Variants in PGAP1 observed in about 807,000 individuals in gnomAD.
PGAP1 encodes post-GPI attachment to proteins inositol deacylase 1.
In PGAP1, 76 loss-of-function variants were observed where a neutral mutation model predicts 127.0. The observed-to-expected ratio is 0.60, with a 90% CI of 0.50 to 0.72. The LOEUF is 0.72. Ranked by LOEUF, PGAP1 falls within the 30% of genes least tolerant of loss-of-function variation. The pLI is 0.00. For synonymous variants in PGAP1, 362 were observed against 366.5 expected, an observed-to-expected ratio of 0.99 and a Z score of 0.14; for missense variants, 982 against 1,071.3, an observed-to-expected ratio of 0.92 and a Z score of 1.16.
chr2:196,847,785 G>A, intron 21 of PGAP1, 162 bp downstream of exon 21: 1 of 481,928 alleles, frequency 2.1e-6, no homozygotes, highest in South Asian at 3.3e-5. Flanking sequence ...AGTAGACATT[G>A]ATATACTTAT....
intron 20 of PGAP1, among the ~76,000 whole-genome samples, chr2:196,850,723 G>A (rs974893204): frequency 2.0e-5 from 3 of 150,096 alleles, no homozygotes; most frequent in Admixed American, 6.7e-5. Flanking sequence ...GAGGAAGGGA[G>A]GGAAAGAGGA....
intron 20 of PGAP1, among the ~76,000 whole-genome samples, chr2:196,861,129 AT>A (rs1241777289): frequency 1.3e-5 from 2 of 152,238 alleles, no homozygotes; most frequent in African/African-American, 2.4e-5. Context: ...CTGGATATTT[AT>A]ATGCAGAAGA....
At chr2:196,873,177 C>T in intron 16 of PGAP1, 151 bp from the exon 17 acceptor site, 1 of 452,084 alleles carries the variant, frequency 2.2e-6, no homozygotes, top group East Asian at 3.6e-5. Flanking sequence ...ATGGCGAATT[C>T]CTAAATAATA....
Position 196,913,063 on chromosome 2 carries a change from T to C in PGAP1, c.478-10A>G, listed in dbSNP as rs761681210. 3.1e-6 allele frequency: 5 copies of C among 1,594,472 alleles called. No individual in the cohort carries two copies. Among genetic ancestry groups the C allele is most frequent in the Non-Finnish European group, 4.3e-6 (5 of 1,169,568 alleles). ...GAGCAAATTCTTGACCCTATTAAAATAAATCACCAGGTCATAATTGCGGCT... is the reference window on the plus strand; with the variant it reads ...GAGCAAATTCTTGACCCTATTAAAACAAATCACCAGGTCATAATTGCGGCT... On this transcript the variant is annotated splice_polypyrimidine_tract_variant and intron_variant, in intron 3 of 26. Transcript: ENST00000354764.
chr2:196,884,904 C>G (rs1376034853), intron 12 of PGAP1, among the ~76,000 whole-genome samples: 1 of 152,138 alleles, frequency 6.6e-6, no homozygotes, highest in Non-Finnish European at 1.5e-5. Flanking sequence ...ACTTGCTGAC[C>G]TACCAGAGTT....
chr2:196,850,821 T>C lies in PGAP1; in HGVS notation c.1862-2784A>G, dbSNP rs192265341. 5.1e-4 allele frequency among the ~76,000 whole-genome samples: 77 copies of C among 151,952 alleles called. 1 individual carries two copies. In the East Asian group the frequency reaches 0.014, roughly 28 times the overall value. On this transcript the variant is annotated intron_variant, in intron 20 of 26. Coordinates refer to ENST00000354764, the MANE Select transcript of PGAP1 (RefSeq NM_024989.4). ...ACAAGGAAGGAAATTAGGGAGTGAG[T>C]GTCTCTTATTAGAAGTATACATATT... is the stretch of plus-strand genomic sequence containing the variant.
chr2:196,904,868 C>T (rs1360038918), intron 4 of PGAP1, among the ~76,000 whole-genome samples: 1 of 152,168 alleles, frequency 6.6e-6, no homozygotes, highest in African/African-American at 2.4e-5. Context: ...CAGCAGGAAC[C>T]TCTAAAGTGC....
At chr2:196,851,671 G>A (rs945910291) in intron 20 of PGAP1, among the ~76,000 whole-genome samples, 2 of 152,110 alleles carry the variant, frequency 1.3e-5, no homozygotes, top group Admixed American at 6.6e-5. Flanking sequence ...CTGGTGTGCA[G>A]TACTCATATG....
At chr2:196,867,639 T>G (rs1156603728) in intron 19 of PGAP1, among the ~76,000 whole-genome samples, 2 of 152,136 alleles carry the variant, frequency 1.3e-5, no homozygotes, top group Non-Finnish European at 2.9e-5. Context: ...AAAAAAGCCT[T>G]AAGTTCTTTT....
At chr2:196,861,379 A>C (rs1443662469) in intron 20 of PGAP1, among the ~76,000 whole-genome samples, 1 of 152,228 alleles carries the variant, frequency 6.6e-6, no homozygotes, top group Non-Finnish European at 1.5e-5. Context: ...CAAAGTGAAG[A>C]GATAAGCCAA....
intron 9 of PGAP1, among the ~76,000 whole-genome samples, chr2:196,891,764 T>C (rs542696422): frequency 2.0e-5 from 3 of 152,056 alleles, no homozygotes; most frequent in Non-Finnish European, 2.9e-5. Flanking sequence ...AAATTAAACA[T>C]CATAATTTTT....
intron 26 of PGAP1, among the ~76,000 whole-genome samples, chr2:196,841,909 GTCTT>G (rs1405131785): frequency 1.3e-5 from 2 of 152,026 alleles, no homozygotes; most frequent in African/African-American, 4.8e-5. Context: ...GTTTTATTTA[GTCTT>G]TCTAATTTTA....
At chr2:196,885,941 C>A in intron 10 of PGAP1, 61 bp from the exon 11 acceptor site, 1 of 1,169,600 alleles carries the variant, frequency 8.5e-7, no homozygotes, top group Non-Finnish European at 1.1e-6. Context: ...TTATACAAAA[C>A]AAACACCCAT....
chr2:196,890,950 A>G (rs1702079902), intron 9 of PGAP1, 39 bp from the exon 10 acceptor site: 1 of 1,022,202 alleles, frequency 9.8e-7, no homozygotes, highest in Non-Finnish European at 1.5e-6. Context: ...AGCTGTAATG[A>G]GCAGATTAGT....
In PGAP1 at chr2:196,837,858, GC is replaced by G. The variant is rs1396448852; in HGVS notation, c.*3375del. 6.6e-6 allele frequency: 1 copy of G among 152,000 alleles called. No homozygotes were observed. Among genetic ancestry groups the G allele is most frequent in the Non-Finnish European group, 1.5e-5 (1 of 68,010 alleles). 9.4% of individuals were successfully genotyped at this position (152,000 alleles called of 1,614,324 possible). On this transcript the variant is annotated 3_prime_UTR_variant, in exon 27 of 27. Transcript: ENST00000354764. The stretch of plus-strand genomic sequence containing the variant: ...CATTATATAGATCTGAATTTGTCTA[GC>G]CAAAATATGAAAAAATAAAGATTAA...
At chr2:196,853,910 A>AT (rs59361073) in intron 20 of PGAP1, among the ~76,000 whole-genome samples, 4,656 of 130,404 alleles carry the variant, frequency 0.036, 172 homozygotes, top group East Asian at 0.11. Context: ...CCAAAGATGA[A>AT]TTTTTTTTTT....
intron 12 of PGAP1, among the ~76,000 whole-genome samples, chr2:196,884,833 G>T (rs1701846247): frequency 6.6e-6 from 1 of 152,068 alleles, no homozygotes; most frequent in Non-Finnish European, 1.5e-5. Flanking sequence ...CACATTTTAG[G>T]ATTATTTTGC....
intron 1 of PGAP1, among the ~76,000 whole-genome samples, chr2:196,925,322 T>C (rs1176754394): frequency 6.6e-6 from 1 of 152,116 alleles, no homozygotes; most frequent in African/African-American, 2.4e-5. Context: ...CATAATGACT[T>C]GTACAAAGAA....
chr2:196,865,547 A>G (rs927260962), intron 19 of PGAP1, among the ~76,000 whole-genome samples: 1 of 152,160 alleles, frequency 6.6e-6, no homozygotes, highest in African/African-American at 2.4e-5. Flanking sequence ...TTATCAGTAA[A>G]TGGGGACAAT....
Sources: gnomAD v4.1 joint callset for allele counts (sites outside exome capture counted in the v4.1 genomes callset) on GRCh38, gnomAD v4.1.1 for gene constraint, MANE v1.5 for transcripts, NCBI Gene and HGNC (gene_info 2026-07-23, HGNC 2026-07-21) for gene names.